BMPER: variants seen among roughly 807,000 people sequenced by gnomAD.
The protein encoded by BMPER is BMP-binding endothelial regulator protein.
BMPER carries 45 observed loss-of-function variants against 87.3 expected under a neutral mutation model. That is an observed-to-expected ratio of 0.52 (90% CI 0.41 to 0.66). BMPER has a LOEUF of 0.66. Among genes scored for constraint, BMPER ranks in the 30% least tolerant of loss-of-function variants. BMPER has a pLI of 0.00. For synonymous variants in BMPER, 326 were observed against 316.2 expected (o/e 1.03, Z -0.33); for missense variants, 784 against 867.5 (o/e 0.90, Z 1.21).
intron 13 of BMPER, among the ~76,000 whole-genome samples, chr7:34,094,767 T>A (rs531902922): frequency 6.6e-6 from 1 of 152,284 alleles, no homozygotes; most frequent in Non-Finnish European, 1.5e-5. Flanking sequence ...GTGTGAGGGT[T>A]GCATCAGTCA....
At chr7:33,986,143 G>C (rs1172287229) in intron 6 of BMPER, among the ~76,000 whole-genome samples, 1 of 152,026 alleles carries the variant, frequency 6.6e-6, no homozygotes, top group Non-Finnish European at 1.5e-5. Context: ...TCATTCTTTT[G>C]AGTTTCTATA....
chr7:33,925,959 A>G (rs1277468135), intron 2 of BMPER, among the ~76,000 whole-genome samples: 1 of 152,188 alleles, frequency 6.6e-6, no homozygotes, highest in African/African-American at 2.4e-5. Context: ...GTGGCAGTGG[A>G]ATTTGGTCAA....
chr7:33,987,994 G>GTAACTTTTGGTCATATTTTTGGTCAT (rs1786059214), intron 6 of BMPER, among the ~76,000 whole-genome samples: 1 of 152,104 alleles, frequency 6.6e-6, no homozygotes, highest in African/African-American at 2.4e-5. Context: ...TTATGAAGGA[G>GTAACTTTTGGTCATATTTTTGGTCAT]TATCTTTTGG....
chr7:34,005,027 A>G (rs1786687611), intron 6 of BMPER, among the ~76,000 whole-genome samples: 1 of 152,160 alleles, frequency 6.6e-6, no homozygotes, highest in Non-Finnish European at 1.5e-5. Context: ...TGCTTCAAGT[A>G]GCTGCAATAT....
chr7:34,013,883 A>G (rs1786950401), intron 6 of BMPER, among the ~76,000 whole-genome samples: 1 of 151,794 alleles, frequency 6.6e-6, no homozygotes, highest in African/African-American at 2.4e-5. Flanking sequence ...TCCTCTTTTT[A>G]CCCAAAGAGC....
chr7:34,039,772 A>T (rs532606412), intron 6 of BMPER, among the ~76,000 whole-genome samples: 2 of 152,176 alleles, frequency 1.3e-5, no homozygotes, highest in Admixed American at 1.3e-4. Flanking sequence ...TTAAAGTATT[A>T]TATGCTCTGG....
At chr7:33,939,932 C>A in intron 3 of BMPER, 1 of 274,722 alleles carries the variant, frequency 3.6e-6, no homozygotes, top group Non-Finnish European at 8.4e-6. Flanking sequence ...TGTTTTCTCT[C>A]TTTCTACCTC....
chr7:33,996,299 C>T (rs1209952007), intron 6 of BMPER, among the ~76,000 whole-genome samples: 2 of 152,108 alleles, frequency 1.3e-5, no homozygotes, highest in Non-Finnish European at 2.9e-5. Context: ...TGCTAGCCAG[C>T]ATCTACTAGG....
At chr7:33,932,508 G>A (rs950888732) in intron 2 of BMPER, among the ~76,000 whole-genome samples, 6 of 152,232 alleles carry the variant, frequency 3.9e-5, no homozygotes, top group African/African-American at 1.2e-4. Context: ...GGAAAATAAT[G>A]CCATCATCTA....
chr7:34,142,145 A>G (rs1171893360), intron 13 of BMPER, among the ~76,000 whole-genome samples: 1 of 152,184 alleles, frequency 6.6e-6, no homozygotes, highest in African/African-American at 2.4e-5. Context: ...GTTTAATTTT[A>G]TTAGTCTTGG....
intron 14 of BMPER, among the ~76,000 whole-genome samples, chr7:34,150,626 G>A (rs111357557): frequency 3.5e-4 from 54 of 152,182 alleles, no homozygotes; most frequent in African/African-American, 1.3e-3. Flanking sequence ...GAAAAAAAGA[G>A]GACTTTGAAA....
intron 6 of BMPER, among the ~76,000 whole-genome samples, chr7:34,016,388 T>C (rs974482334): frequency 3.3e-5 from 5 of 151,970 alleles, no homozygotes; most frequent in Non-Finnish European, 7.4e-5. Context: ...ACCTGTGTAA[T>C]GCAAGGCCTG....
At chr7:34,150,933 G>A (rs774756217) in intron 14 of BMPER, among the ~76,000 whole-genome samples, 10 of 152,210 alleles carry the variant, frequency 6.6e-5, no homozygotes, top group Admixed American at 5.9e-4. Context: ...GATGGGATAA[G>A]CAGCAGGTGC....
rs1057050232 is a variant in BMPER at position 34,153,655 on chromosome 7, A to G, written c.*382A>G. On this transcript the variant is annotated 3_prime_UTR_variant, in exon 15 of 15. Coordinates refer to ENST00000649409, the MANE Select transcript of BMPER (RefSeq NM_001365308.1). ...TAAGAGCCCTCAATTGCCTGCCTGT[A>G]TTAATTTTAGTTTTGAGTCAGGATT... 1 of 193,216 alleles carries G rather than the reference A, an allele frequency of 5.2e-6. No individual in the cohort carries two copies. Among genetic ancestry groups the G allele is most frequent in the African/African-American group, 2.4e-5 (1 of 42,122 alleles). 12.0% of individuals were successfully genotyped at this position (193,216 alleles called of 1,614,324 possible).
At chr7:33,906,959 C>A in intron 2 of BMPER, 56 bp downstream of exon 2, 1 of 1,437,922 alleles carries the variant, frequency 7.0e-7, no homozygotes, top group Non-Finnish European at 9.8e-7. Flanking sequence ...TAAGGTGAAT[C>A]CATTAAATGT....
chr7:33,905,438 T>TCCCCCCCCCCCCCCCCCCCCCCCCCCC, upstream of BMPER: 5 of 23,002 alleles, frequency 2.2e-4, no homozygotes, highest in Non-Finnish European at 4.1e-4. Context: ...CCTTGGTCTC[T>TCCCCCCCCCCCCCCCCCCCCCCCCCCC]CCCCCCGCCC....
At chr7:34,062,327 T>C (rs926974751) in intron 11 of BMPER, among the ~76,000 whole-genome samples, 10 of 152,214 alleles carry the variant, frequency 6.6e-5, no homozygotes, top group Non-Finnish European at 7.3e-5. Context: ...TAACTTAATG[T>C]GCATTTTAAC....
At chr7:33,998,523 T>G (rs1298847923) in intron 6 of BMPER, among the ~76,000 whole-genome samples, 1 of 152,246 alleles carries the variant, frequency 6.6e-6, no homozygotes, top group Admixed American at 6.5e-5. Context: ...TTCTCAAAAC[T>G]TAGGCACTCT....
chr7:33,978,563 T>C (rs1262125970), intron 6 of BMPER, among the ~76,000 whole-genome samples: 1 of 152,088 alleles, frequency 6.6e-6, no homozygotes, highest in Non-Finnish European at 1.5e-5. Flanking sequence ...TGAGGGCTGC[T>C]CCCGGGAGGT....
Sources: allele counts gnomAD v4.1 joint callset (sites outside exome capture counted in the v4.1 genomes callset), GRCh38; gene constraint gnomAD v4.1.1; transcripts MANE v1.5; gene names NCBI Gene and HGNC (gene_info 2026-07-23, HGNC 2026-07-21).